BLNK: variants seen among roughly 807,000 people sequenced by gnomAD.
The protein encoded by BLNK is B cell linker, also known as B-cell linker protein.
In BLNK, 29 loss-of-function variants were observed where a neutral mutation model predicts 73.5. That is an observed-to-expected ratio of 0.39 (90% CI 0.29 to 0.54). The LOEUF is 0.54. Among genes scored for constraint, BLNK ranks in the 20% least tolerant of loss-of-function variants. The pLI, the probability that BLNK is intolerant of heterozygous loss-of-function variation, is 0.61. For synonymous variants in BLNK, 176 were observed against 200.8 expected (o/e 0.88, Z 1.04); for missense variants, 460 against 562.8 (o/e 0.82, Z 1.85).
At chr10:96,253,365 A>G (rs1203217155) in intron 1 of BLNK, among the ~76,000 whole-genome samples, 2 of 152,154 alleles carry the variant, frequency 1.3e-5, no homozygotes, top group African/African-American at 2.4e-5. Flanking sequence ...ACCAGACCAC[A>G]TGGCAATCTG....
intron 6 of BLNK, 36 bp downstream of exon 6, chr10:96,223,790 G>C: frequency 6.2e-7 from 1 of 1,612,090 alleles, no homozygotes; most frequent in Non-Finnish European, 8.5e-7. Flanking sequence ...ACCCCCCTCT[G>C]TGTCCTGGGA....
At chr10:96,215,509 C>G (rs1363734329) in intron 7 of BLNK, 120 bp from the exon 8 acceptor site, 6 of 891,748 alleles carry the variant, frequency 6.7e-6, no homozygotes, top group Non-Finnish European at 1.0e-5. Flanking sequence ...AGAGAATTTG[C>G]AAAGAATGGG....
At chr10:96,269,424 A>C (rs571602936) in intron 1 of BLNK, among the ~76,000 whole-genome samples, 105 of 151,668 alleles carry the variant, frequency 6.9e-4, no homozygotes, top group African/African-American at 1.2e-3. Flanking sequence ...CTGAAAACAA[A>C]AAAAAAAAAA....
intron 3 of BLNK, among the ~76,000 whole-genome samples, chr10:96,241,869 A>G (rs1842891093): frequency 6.6e-6 from 1 of 151,826 alleles, no homozygotes; most frequent in Non-Finnish European, 1.5e-5. Flanking sequence ...CTACAGGTGC[A>G]TGCCACCACA....
chr10:96,248,730 A>T (rs1554908340), intron 1 of BLNK, among the ~76,000 whole-genome samples: 1 of 152,222 alleles, frequency 6.6e-6, no homozygotes. Flanking sequence ...CCCAATGCTC[A>T]TTAATCATTA....
intron 6 of BLNK, among the ~76,000 whole-genome samples, chr10:96,221,180 GT>G (rs1315281012): frequency 6.6e-6 from 1 of 152,174 alleles, no homozygotes; most frequent in African/African-American, 2.4e-5. Flanking sequence ...ACTTCATAGG[GT>G]TAGTGTGAGG....
At chr10:96,198,111 G>T (rs190424536) in intron 15 of BLNK, among the ~76,000 whole-genome samples, 191 of 151,978 alleles carry the variant, frequency 1.3e-3, no homozygotes, top group African/African-American at 4.4e-3. Flanking sequence ...AAAAAGACAA[G>T]CCTATCTCAA....
chr10:96,249,162 GA>G (rs1467665889), intron 1 of BLNK, among the ~76,000 whole-genome samples: 2 of 152,198 alleles, frequency 1.3e-5, no homozygotes, highest in African/African-American at 4.8e-5. Flanking sequence ...GTTCTTGTAG[GA>G]AATGGTGATT....
chr10:96,206,335 A>AT (rs1203496215), intron 11 of BLNK, among the ~76,000 whole-genome samples: 3 of 152,100 alleles, frequency 2.0e-5, no homozygotes, highest in Non-Finnish European at 2.9e-5. Context: ...TGATTCTTCT[A>AT]TTTTTTTCCG....
chr10:96,230,254 C>T (rs181390750), intron 4 of BLNK, among the ~76,000 whole-genome samples: 150 of 152,286 alleles, frequency 9.8e-4, no homozygotes, highest in Admixed American at 2.6e-3. Context: ...TTCTCTTGAT[C>T]ACAGCAAGCA....
At chr10:96,227,627 G>A in intron 4 of BLNK, 61 bp from the exon 5 acceptor site, 1 of 1,609,098 alleles carries the variant, frequency 6.2e-7, no homozygotes, top group Non-Finnish European at 8.5e-7. Context: ...TGGCCGTCAG[G>A]ACCATTCCTG....
intron 15 of BLNK, among the ~76,000 whole-genome samples, chr10:96,198,865 A>C (rs897386330): frequency 5.3e-5 from 8 of 152,028 alleles, no homozygotes; most frequent in African/African-American, 1.7e-4. Context: ...CGCCTGGCTA[A>C]TTTTTTTATT....
intron 6 of BLNK, among the ~76,000 whole-genome samples, chr10:96,223,491 A>G (rs1172809852): frequency 6.6e-6 from 1 of 152,202 alleles, no homozygotes; most frequent in Non-Finnish European, 1.5e-5. Context: ...TGTCAGTAAC[A>G]ACAGGACAGA....
At chr10:96,255,660 T>G (rs782600782) in intron 1 of BLNK, among the ~76,000 whole-genome samples, 1 of 152,192 alleles carries the variant, frequency 6.6e-6, no homozygotes, top group Non-Finnish European at 1.5e-5. Context: ...ATCCCCCGCA[T>G]CTTAACCTCA....
intron 1 of BLNK, among the ~76,000 whole-genome samples, chr10:96,251,986 C>A (rs1277193621): frequency 3.9e-5 from 6 of 152,146 alleles, no homozygotes; most frequent in Non-Finnish European, 7.3e-5. Flanking sequence ...CTGGGCCTCA[C>A]CCCTGGAGAT....
intron 6 of BLNK, among the ~76,000 whole-genome samples, chr10:96,222,825 C>G (rs2084229004): frequency 6.6e-6 from 1 of 152,128 alleles, no homozygotes; most frequent in Non-Finnish European, 1.5e-5. Flanking sequence ...GGAAAGAAAG[C>G]AAGGTGGCGA....
intron 7 of BLNK, chr10:96,215,783 C>T (rs946467221): frequency 5.5e-6 from 1 of 180,862 alleles, no homozygotes. Flanking sequence ...ATAGCTCCAC[C>T]TCCCCTACCA....
At chr10:96,267,080 A>C (rs2134154228) in intron 1 of BLNK, among the ~76,000 whole-genome samples, 1 of 152,336 alleles carries the variant, frequency 6.6e-6, no homozygotes, top group East Asian at 1.9e-4. Context: ...GGTCCTTCTA[A>C]ATATATCAAG....
chr10:96,213,305 C>G (rs1238043268), intron 8 of BLNK, among the ~76,000 whole-genome samples: 1 of 152,206 alleles, frequency 6.6e-6, no homozygotes, highest in Admixed American at 6.5e-5. Context: ...GTAAAGCCTC[C>G]TGAGCAATGA....
Sources: allele counts gnomAD v4.1 joint callset (sites outside exome capture counted in the v4.1 genomes callset), GRCh38; gene constraint gnomAD v4.1.1; transcripts MANE v1.5; gene names NCBI Gene and HGNC (gene_info 2026-07-23, HGNC 2026-07-21).